SNTG2: variants seen among roughly 807,000 people sequenced by gnomAD.
SNTG2 encodes syntrophin gamma 2.
A neutral mutation model predicts 70.9 loss-of-function variants in SNTG2; 74 were observed. The observed-to-expected ratio is 1.04, with a 90% CI of 0.86 to 1.27. The LOEUF (loss-of-function observed/expected upper bound fraction) is 1.27, where lower values mean the gene tolerates loss of function less well. Among genes scored for constraint, SNTG2 ranks in the 50% most tolerant of loss-of-function variants. The pLI, the probability that SNTG2 is intolerant of heterozygous loss-of-function variation, is 0.00. For missense variants in SNTG2, 717 were observed against 690.7 expected (o/e 1.04, Z -0.43); for synonymous variants, 278 against 273.8 (o/e 1.02, Z -0.15).
chr2:1,041,398 T>G (rs1661427869), intron 1 of SNTG2, among the ~76,000 whole-genome samples: 1 of 152,220 alleles, frequency 6.6e-6, no homozygotes, highest in Non-Finnish European at 1.5e-5. Flanking sequence ...TTGTTGTTGT[T>G]TTTTCATGTG....
rs1255242451 is a variant in SNTG2 at position 1,227,175 on chromosome 2, T to G, written c.720-10713T>G. On this transcript the variant is annotated intron_variant, in intron 9 of 16. Transcript: ENST00000308624. ...GCGGTGTTTTCTCCTAAGTTAATTC[T>G]GCATTTGCCCTTAACAACAAAACCA... is the stretch of plus-strand genomic sequence containing the variant. Among the ~76,000 whole-genome samples the G allele has an allele frequency of 1.3e-5, 2 of 152,402 alleles. 1 individual carries two copies. The highest frequency in any genetic ancestry group is 6.8e-3 in the Middle Eastern group (2 of 294).
intron 1 of SNTG2, among the ~76,000 whole-genome samples, chr2:1,082,784 C>A (rs1421833831): frequency 2.0e-5 from 3 of 152,246 alleles, no homozygotes; most frequent in Non-Finnish European, 2.9e-5. Flanking sequence ...GGGTGGCTTT[C>A]CCTGACTCTC....
At chr2:960,514 T>C (rs1660309277) in intron 1 of SNTG2, among the ~76,000 whole-genome samples, 1 of 152,190 alleles carries the variant, frequency 6.6e-6, no homozygotes, top group Non-Finnish European at 1.5e-5. Context: ...GACTCTGCCC[T>C]CGTGGAGGAG....
intron 7 of SNTG2, among the ~76,000 whole-genome samples, chr2:1,171,388 G>A (rs941270459): frequency 2.6e-5 from 4 of 152,130 alleles, no homozygotes; most frequent in African/African-American, 9.7e-5. Context: ...ATGAACTTTG[G>A]GATTTTGGAA....
chr2:1,133,431 G>A (rs1668153398), intron 4 of SNTG2, among the ~76,000 whole-genome samples: 1 of 152,046 alleles, frequency 6.6e-6, no homozygotes, highest in South Asian at 2.1e-4. Context: ...TCTTGATAAA[G>A]CAAGTATAAT....
intron 4 of SNTG2, among the ~76,000 whole-genome samples, chr2:1,109,328 C>T (rs555522956): frequency 1.3e-5 from 2 of 151,966 alleles, no homozygotes; most frequent in Admixed American, 6.6e-5. Flanking sequence ...GCAAAACTTT[C>T]GAAACCGAAG....
intron 1 of SNTG2, among the ~76,000 whole-genome samples, chr2:1,019,807 G>A (rs1660058006): frequency 6.6e-6 from 1 of 152,154 alleles, no homozygotes; most frequent in Non-Finnish European, 1.5e-5. Context: ...CCAGCACTTT[G>A]GGAGGCCGAG....
At chr2:986,735 A>G (rs897702295) in intron 1 of SNTG2, among the ~76,000 whole-genome samples, 1 of 147,002 alleles carries the variant, frequency 6.8e-6, no homozygotes, top group Admixed American at 6.7e-5. Context: ...TCGTTCTTTT[A>G]GTAGAAAAGA....
intron 16 of SNTG2, among the ~76,000 whole-genome samples, chr2:1,336,639 G>A (rs562821123): frequency 6.6e-6 from 1 of 152,058 alleles, no homozygotes; most frequent in East Asian, 1.9e-4. Context: ...TTTTTTATAT[G>A]GTGTGAAATA....
chr2:1,326,967 C>T (rs1681788807), intron 16 of SNTG2, among the ~76,000 whole-genome samples: 1 of 151,962 alleles, frequency 6.6e-6, no homozygotes, highest in Non-Finnish European at 1.5e-5. Context: ...GTAATAAAAT[C>T]ACACCCCCAA....
At chr2:1,236,044 G>A (rs922580169) in intron 9 of SNTG2, among the ~76,000 whole-genome samples, 5 of 152,068 alleles carry the variant, frequency 3.3e-5, no homozygotes, top group Non-Finnish European at 7.4e-5. Flanking sequence ...GCTGTCGTCC[G>A]CAATAATCTA....
chr2:1,014,399 C>T (rs56057078), intron 1 of SNTG2, among the ~76,000 whole-genome samples: 10 of 66,714 alleles, frequency 1.5e-4, no homozygotes, highest in Admixed American at 3.5e-4. Flanking sequence ...AAGTGATTTA[C>T]AAGGGTAGAG....
intron 8 of SNTG2, among the ~76,000 whole-genome samples, chr2:1,177,574 C>A: frequency 6.7e-6 from 1 of 150,298 alleles, no homozygotes; most frequent in South Asian, 2.1e-4. Context: ...TCAACAAAAA[C>A]AAGAGAAGCT....
At chr2:1,307,911 C>T (rs1254304006) in intron 14 of SNTG2, among the ~76,000 whole-genome samples, 2 of 152,346 alleles carry the variant, frequency 1.3e-5, no homozygotes, top group East Asian at 1.9e-4. Flanking sequence ...CACAAACCAC[C>T]GGCCGCGGGT....
intron 9 of SNTG2, among the ~76,000 whole-genome samples, chr2:1,231,110 A>G (rs988585687): frequency 4.1e-5 from 6 of 147,960 alleles, no homozygotes; most frequent in African/African-American, 1.3e-4. Flanking sequence ...TGCCTCTTCC[A>G]TAGGGTCACT....
In SNTG2 at chr2:1,260,154, A is replaced by G. The variant is rs1483944511; in HGVS notation, c.1077+713A>G. 3.3e-5 allele frequency among the ~76,000 whole-genome samples: 5 copies of G among 152,256 alleles called. No homozygotes were observed. The East Asian group carries it at 9.6e-4, about 29-fold the overall frequency. ...ACGTACCTTTTAGTCTGAGAATTTGACTGTAAAGAGTTATCAGTCTAAAGT... is the reference window on the plus strand; with the variant it reads ...ACGTACCTTTTAGTCTGAGAATTTGGCTGTAAAGAGTTATCAGTCTAAAGT... On this transcript the variant is annotated intron_variant, in intron 13 of 16. Transcript: ENST00000308624.
At chr2:1,129,336 T>A (rs1026026289) in intron 4 of SNTG2, among the ~76,000 whole-genome samples, 2 of 152,252 alleles carry the variant, frequency 1.3e-5, no homozygotes, top group Non-Finnish European at 2.9e-5. Context: ...TATCTGCATG[T>A]CCTGCAAACA....
intron 1 of SNTG2, 57 bp from the exon 2 acceptor site, chr2:1,083,461 C>T: frequency 6.2e-7 from 1 of 1,600,884 alleles, no homozygotes; most frequent in Non-Finnish European, 8.5e-7. Context: ...TCACCTATCC[C>T]CACCCCTGGC....
intron 1 of SNTG2, among the ~76,000 whole-genome samples, chr2:1,046,546 G>T (rs1465424098): frequency 6.6e-6 from 1 of 152,154 alleles, no homozygotes; most frequent in Non-Finnish European, 1.5e-5. Context: ...TGTAAAGTAG[G>T]TCTGGTGGTA....
Sources: allele counts gnomAD v4.1 joint callset (sites outside exome capture counted in the v4.1 genomes callset), GRCh38; gene constraint gnomAD v4.1.1; transcripts MANE v1.5; gene names NCBI Gene and HGNC (gene_info 2026-07-23, HGNC 2026-07-21).